CADM2: variants seen among roughly 807,000 people sequenced by gnomAD.
CADM2 encodes cell adhesion molecule 2.
In CADM2, 12 loss-of-function variants were observed where a neutral mutation model predicts 49.8. The observed-to-expected ratio is 0.24, with a 90% CI of 0.15 to 0.39. CADM2 has a LOEUF of 0.39. Ranked by LOEUF, CADM2 falls within the 10% of genes least tolerant of loss-of-function variation. The pLI is 1.00. For synonymous variants in CADM2, 214 were observed against 175.4 expected (o/e 1.22, Z -1.74); for missense variants, 378 against 492.3 (o/e 0.77, Z 2.20).
At chr3:86,044,548 C>A (rs905821505) in intron 8 of CADM2, among the ~76,000 whole-genome samples, 31 of 152,040 alleles carry the variant, frequency 2.0e-4, no homozygotes, top group Non-Finnish European at 4.0e-4. Flanking sequence ...GATCATTAAA[C>A]AGTCAGGAAA....
At chr3:86,006,895 G>T (rs1730861295) in intron 8 of CADM2, among the ~76,000 whole-genome samples, 1 of 151,920 alleles carries the variant, frequency 6.6e-6, no homozygotes, top group Admixed American at 6.6e-5. Context: ...ACAAAAATTA[G>T]CTAGGCATGG....
chr3:85,793,108 T>C (rs1180138940), intron 2 of CADM2, among the ~76,000 whole-genome samples: 1 of 152,168 alleles, frequency 6.6e-6, no homozygotes, highest in African/African-American at 2.4e-5. Flanking sequence ...CCATTCTTTC[T>C]CTAAGTATAT....
At chr3:85,285,004 A>G (rs1229322390) in intron 1 of CADM2, among the ~76,000 whole-genome samples, 1 of 152,134 alleles carries the variant, frequency 6.6e-6, no homozygotes, top group East Asian at 1.9e-4. Flanking sequence ...ACCAGGAGAT[A>G]GCACTTTGAT....
chr3:85,143,168 G>A (rs368995158), intron 1 of CADM2, among the ~76,000 whole-genome samples: 3 of 152,054 alleles, frequency 2.0e-5, no homozygotes, highest in Non-Finnish European at 2.9e-5. Flanking sequence ...TTTGAAGAGG[G>A]ATTAAACAAA....
chr3:85,871,706 GTCATCATCA>G (rs149315637), intron 3 of CADM2, among the ~76,000 whole-genome samples: 1 of 151,858 alleles, frequency 6.6e-6, no homozygotes, highest in Non-Finnish European at 1.5e-5. Context: ...CTCTATCGTT[GTCATCATCA>G]TCATCATCAT....
At chr3:85,457,581 G>C (rs1202318050) in intron 1 of CADM2, among the ~76,000 whole-genome samples, 1 of 152,064 alleles carries the variant, frequency 6.6e-6, no homozygotes, top group East Asian at 1.9e-4. Flanking sequence ...AGGGCATCTA[G>C]TGATTATGAT....
chr3:85,771,336 T>G (rs1339437303), intron 2 of CADM2, among the ~76,000 whole-genome samples: 1 of 152,152 alleles, frequency 6.6e-6, no homozygotes, highest in African/African-American at 2.4e-5. Flanking sequence ...TTCCTATGGT[T>G]GCATTAATGT....
chr3:85,770,520 C>T (rs1288740331), intron 2 of CADM2, among the ~76,000 whole-genome samples: 3 of 152,004 alleles, frequency 2.0e-5, no homozygotes, highest in Non-Finnish European at 4.4e-5. Context: ...TGTCTCACTA[C>T]GTTGCTCAGG....
intron 1 of CADM2, among the ~76,000 whole-genome samples, chr3:85,438,422 A>G (rs1280263639): frequency 6.6e-6 from 1 of 152,018 alleles, no homozygotes. Flanking sequence ...GTAGTTGAAT[A>G]CATTCTTTGG....
chr3:85,345,476 G>C (rs1178480455), intron 1 of CADM2, among the ~76,000 whole-genome samples: 1 of 152,094 alleles, frequency 6.6e-6, no homozygotes, highest in Admixed American at 6.6e-5. Context: ...CACCTGATAA[G>C]ATGCAATGAG....
chr3:85,456,929 G>C (rs1476160388), intron 1 of CADM2, among the ~76,000 whole-genome samples: 1 of 151,376 alleles, frequency 6.6e-6, no homozygotes, highest in Non-Finnish European at 1.5e-5. Flanking sequence ...GATGTGTGCA[G>C]TTTAAAAACA....
intron 1 of CADM2, among the ~76,000 whole-genome samples, chr3:84,977,932 G>A (rs995611015): frequency 6.6e-6 from 1 of 151,968 alleles, no homozygotes; most frequent in African/African-American, 2.4e-5. Flanking sequence ...GACATTCTGG[G>A]GGAACCGTAT....
chr3:85,621,863 C>A (rs1164632673), intron 1 of CADM2, among the ~76,000 whole-genome samples: 1 of 152,104 alleles, frequency 6.6e-6, no homozygotes, highest in Non-Finnish European at 1.5e-5. Flanking sequence ...GGCATTTTCA[C>A]GTTTTGTAGA....
chr3:85,751,010 C>G (rs1351278102), intron 2 of CADM2, among the ~76,000 whole-genome samples: 2 of 151,928 alleles, frequency 1.3e-5, no homozygotes, highest in African/African-American at 4.8e-5. Context: ...TCAACTAAAA[C>G]AAGCATAAAA....
At chr3:85,973,058 A>C (rs1038557323) in intron 8 of CADM2, among the ~76,000 whole-genome samples, 2 of 151,776 alleles carry the variant, frequency 1.3e-5, no homozygotes, top group African/African-American at 2.4e-5. Flanking sequence ...AACAGGAATT[A>C]TGAAAAATCA....
intron 2 of CADM2, among the ~76,000 whole-genome samples, chr3:85,744,559 G>T (rs1337590224): frequency 1.3e-5 from 2 of 151,974 alleles, no homozygotes; most frequent in African/African-American, 4.8e-5. Context: ...ATAAGTAAAT[G>T]AAATACTCGG....
intron 8 of CADM2, chr3:86,014,525 C>G: frequency 6.4e-7 from 1 of 1,571,196 alleles, no homozygotes; most frequent in Non-Finnish European, 8.7e-7. Context: ...ACCAAGGTAA[C>G]TTGGAATCTC....
chr3:85,962,874 G>A (rs1577795175), intron 8 of CADM2, among the ~76,000 whole-genome samples: 1 of 151,984 alleles, frequency 6.6e-6, no homozygotes, highest in East Asian at 2.0e-4. Flanking sequence ...GTGGATCTTA[G>A]AAACTATGGA....
Position 85,385,214 on chromosome 3 carries a change from C to T in CADM2, c.62-341308C>T, listed in dbSNP as rs907173284. On this transcript the variant is annotated intron_variant, in intron 1 of 9. Transcript: ENST00000383699. ...CCTCCCAAAGTTCTGGGATTACAGG[C>T]GTTAGCCACCATGCCCAGGCGACAC... Among the ~76,000 whole-genome samples, 8 of 152,132 alleles carry T rather than the reference C, an allele frequency of 5.3e-5. No homozygotes were observed. The South Asian group carries it at 1.0e-3, about 20-fold the overall frequency.
Sources: gnomAD v4.1 joint callset for allele counts (sites outside exome capture counted in the v4.1 genomes callset) on GRCh38, gnomAD v4.1.1 for gene constraint, MANE v1.5 for transcripts, NCBI Gene and HGNC (gene_info 2026-07-23, HGNC 2026-07-21) for gene names.